Variants in POU2F1 observed in about 807,000 individuals in gnomAD.
POU2F1 encodes POU class 2 homeobox 1.
A neutral mutation model predicts 84.9 loss-of-function variants in POU2F1; 16 were observed. The observed-to-expected ratio is 0.19, with a 90% CI of 0.13 to 0.29. POU2F1 has a LOEUF of 0.29. Ranked by LOEUF, POU2F1 falls within the 10% of genes least tolerant of loss-of-function variation. POU2F1 has a pLI of 1.00. For missense variants in POU2F1, 738 were observed against 942.6 expected, an observed-to-expected ratio of 0.78 and a Z score of 2.84; for synonymous variants, 368 against 368.3, an observed-to-expected ratio of 1.00 and a Z score of 0.01.
intron 1 of POU2F1, among the ~76,000 whole-genome samples, chr1:167,298,921 T>G (rs1192921399): frequency 2.0e-5 from 3 of 152,046 alleles, no homozygotes; most frequent in Non-Finnish European, 2.9e-5. Context: ...CCCAGCACTT[T>G]GGGAGGCCAA....
intron 2 of POU2F1, among the ~76,000 whole-genome samples, chr1:167,342,260 G>A (rs1657910868): frequency 6.6e-6 from 1 of 152,130 alleles, no homozygotes; most frequent in South Asian, 2.1e-4. Flanking sequence ...CCCCAGGATA[G>A]TATCACTATA....
chr1:167,401,932 T>G (rs1649241810), intron 13 of POU2F1, among the ~76,000 whole-genome samples: 1 of 152,360 alleles, frequency 6.6e-6, no homozygotes, highest in Non-Finnish European at 1.5e-5. Context: ...CTATACCAGC[T>G]TGTATGTCAA....
At chr1:167,266,032 A>G (rs928573489) in intron 1 of POU2F1, among the ~76,000 whole-genome samples, 1 of 152,236 alleles carries the variant, frequency 6.6e-6, no homozygotes, top group African/African-American at 2.4e-5. Context: ...AAACAAATAT[A>G]ACTGACACAC....
intron 1 of POU2F1, among the ~76,000 whole-genome samples, chr1:167,232,844 C>CAA (rs1265663009): frequency 6.8e-5 from 6 of 87,866 alleles, no homozygotes; most frequent in Admixed American, 1.2e-4. Context: ...GACTCCATCT[C>CAA]AAAAAAAAAA....
intron 15 of POU2F1, 80 bp from the exon 16 acceptor site, chr1:167,415,420 C>A: frequency 6.9e-7 from 1 of 1,459,194 alleles, no homozygotes; most frequent in Non-Finnish European, 9.4e-7. Flanking sequence ...AAATGATAGA[C>A]TTTTGATGTG....
Position 167,412,011 on chromosome 1 carries a change from T to A in POU2F1, c.1608T>A (p.Pro536=). The A allele has an allele frequency of 6.2e-7, 1 of 1,614,128 alleles. No homozygotes were observed. Among genetic ancestry groups the A allele is most frequent in the Non-Finnish European group, 8.5e-7 (1 of 1,179,996 alleles). ...NNTATVISTA[P]PASSAVTSPS... is the part of the protein sequence containing the mutation. ...CAGCAACCGTGATTTCCACAGCGCC[T>A]CCAGCTTCCTCAGCAGTCACGTCCC... The change falls in exon 14 of 16, where the codon CCT becomes CCA. Residue 536 remains proline (P), a synonymous_variant. Coordinates refer to ENST00000367866, the MANE Select transcript of POU2F1 (RefSeq NM_002697.4).
intron 1 of POU2F1, among the ~76,000 whole-genome samples, chr1:167,290,725 C>G (rs145255907): frequency 2.2e-4 from 33 of 152,232 alleles, no homozygotes; most frequent in African/African-American, 7.0e-4. Flanking sequence ...TTTAAAAGAT[C>G]GGCAAAACAT....
chr1:167,413,113 A>G lies in POU2F1; in HGVS notation c.1989A>G (p.Gln663=). ...GCAACAGTACACTGGCAACTATTCAAGGTCAGTAGAAGCCTTTTTCTTAAT... is the reference window on the plus strand; with the variant it reads ...GCAACAGTACACTGGCAACTATTCAGGGTCAGTAGAAGCCTTTTTCTTAAT... ...LMSNSTLATI[Q]ALASGGSLPI... The change falls in exon 15 of 16, where the codon CAA becomes CAG. Residue 663 remains glutamine, a splice_region_variant and synonymous_variant. Transcript: ENST00000367866. 2.5e-6 allele frequency: 4 copies of G among 1,610,924 alleles called. No individual in the cohort carries two copies. The highest frequency in any genetic ancestry group is 3.4e-6 in the Non-Finnish European group (4 of 1,177,200).
chr1:167,359,905 ATTG>A (rs1426223193), intron 2 of POU2F1, among the ~76,000 whole-genome samples: 2 of 139,914 alleles, frequency 1.4e-5, no homozygotes, highest in Non-Finnish European at 3.1e-5. Flanking sequence ...ATGGTATCTC[ATTG>A]TTATTTTGAT....
At chr1:167,272,300 CTT>C (rs35886551) in intron 1 of POU2F1, among the ~76,000 whole-genome samples, 9 of 122,544 alleles carry the variant, frequency 7.3e-5, no homozygotes, top group Admixed American at 1.7e-4. Flanking sequence ...TAAATATTAC[CTT>C]TTTTTTTTTT....
At chr1:167,375,751 G>C (rs536907696) in intron 6 of POU2F1, among the ~76,000 whole-genome samples, 142 of 152,224 alleles carry the variant, frequency 9.3e-4, no homozygotes, top group Middle Eastern at 3.4e-3. Context: ...AAAAACAGAA[G>C]TATATTTGTT....
chr1:167,328,949 G>A (rs1656891105), intron 1 of POU2F1: 1 of 824,810 alleles, frequency 1.2e-6, no homozygotes, highest in Non-Finnish European at 1.5e-6. Context: ...GAAACTGCCA[G>A]CTGCAATCTT....
intron 1 of POU2F1, among the ~76,000 whole-genome samples, chr1:167,235,893 G>A (rs539844339): frequency 6.6e-6 from 1 of 152,282 alleles, no homozygotes; most frequent in Non-Finnish European, 1.5e-5. Context: ...GTCCAAAATA[G>A]TAGTCTCCCA....
In POU2F1 at chr1:167,398,106, T is replaced by C; in HGVS notation, c.1242T>C (p.Arg414=). 6.2e-7 allele frequency: 1 copy of C among 1,614,078 alleles called. No individual in the cohort carries two copies. The highest frequency in any genetic ancestry group is 8.5e-7 in the Non-Finnish European group (1 of 1,179,992). The change falls in exon 11 of 16, where the codon CGT becomes CGC. Residue 414 remains arginine (R), a synonymous_variant. Coordinates refer to ENST00000367866, the MANE Select transcript of POU2F1 (RefSeq NM_002697.4). Reference sequence around the variant, plus strand: ...GCACCAGCATAGAGACCAACATCCGTGTGGCCTTAGAGAAGAGTTTCTTGG... The same window carrying C: ...GCACCAGCATAGAGACCAACATCCGCGTGGCCTTAGAGAAGAGTTTCTTGG... ...KKRTSIETNI[R]VALEKSFLEN... is the part of the protein sequence containing the mutation.
intron 2 of POU2F1, among the ~76,000 whole-genome samples, chr1:167,340,690 C>T (rs1657788806): frequency 6.6e-6 from 1 of 151,958 alleles, no homozygotes; most frequent in South Asian, 2.1e-4. Context: ...CCTCAGCCTC[C>T]TGCTGGGATT....
intron 6 of POU2F1, among the ~76,000 whole-genome samples, chr1:167,374,803 C>T (rs567289791): frequency 6.6e-6 from 1 of 152,288 alleles, no homozygotes; most frequent in East Asian, 1.9e-4. Context: ...CGCGGTGGCT[C>T]ACGCCTGTAA....
chr1:167,319,755 C>T (rs1354876113), intron 1 of POU2F1, among the ~76,000 whole-genome samples: 1 of 151,972 alleles, frequency 6.6e-6, no homozygotes, highest in African/African-American at 2.4e-5. Flanking sequence ...CATACGTGCA[C>T]ATAAGCTAGT....
chr1:167,340,230 A>G (rs1156618277), intron 2 of POU2F1, among the ~76,000 whole-genome samples: 2 of 149,308 alleles, frequency 1.3e-5, no homozygotes, highest in South Asian at 2.1e-4. Flanking sequence ...CAGGCATGCA[A>G]CCACCATGCC....
chr1:167,280,580 ACATGGC>A (rs1368087478), intron 1 of POU2F1, among the ~76,000 whole-genome samples: 1 of 152,164 alleles, frequency 6.6e-6, no homozygotes, highest in Non-Finnish European at 1.5e-5. Flanking sequence ...CTGGGCTTTT[ACATGGC>A]CCTTTGTGTC....
Sources: gnomAD v4.1 joint callset for allele counts (sites outside exome capture counted in the v4.1 genomes callset) on GRCh38, gnomAD v4.1.1 for gene constraint, MANE v1.5 for transcripts, NCBI Gene and HGNC (gene_info 2026-07-23, HGNC 2026-07-21) for gene names.